The following ABCC1 variants were observed in gnomAD, a reference collection of about 807,000 sequenced individuals.
ABCC1 encodes the protein multidrug resistance-associated protein 1.
A neutral mutation model predicts 172.9 loss-of-function variants in ABCC1; 83 were observed. The observed-to-expected ratio is 0.48, with a 90% CI of 0.40 to 0.58. The LOEUF is 0.58. Ranked by LOEUF, ABCC1 falls within the 20% of genes least tolerant of loss-of-function variation. ABCC1 has a pLI of 0.00. For synonymous variants in ABCC1, 937 were observed against 825.2 expected (o/e 1.14, Z -2.32); for missense variants, 1,817 against 2,002.7 (o/e 0.91, Z 1.77).
At chr16:15,976,011 A>T (rs761005959) in intron 1 of ABCC1, among the ~76,000 whole-genome samples, 2 of 152,066 alleles carry the variant, frequency 1.3e-5, no homozygotes, top group Non-Finnish European at 2.9e-5. Context: ...TACGCCTGTT[A>T]TCCCAGCACT....
intron 5 of ABCC1, among the ~76,000 whole-genome samples, chr16:16,023,042 GC>G: frequency 6.6e-6 from 1 of 152,248 alleles, no homozygotes; most frequent in African/African-American, 2.4e-5. Flanking sequence ...CTCCCAGGTA[GC>G]TTGGGCCCTA....
At chr16:16,120,367 C>T (rs1285227262) in intron 23 of ABCC1, among the ~76,000 whole-genome samples, 1 of 152,234 alleles carries the variant, frequency 6.6e-6, no homozygotes, top group Non-Finnish European at 1.5e-5. Flanking sequence ...GCAGTGTCCT[C>T]ACATGGCTGG....
intron 1 of ABCC1, among the ~76,000 whole-genome samples, chr16:15,999,312 T>A (rs1441931834): frequency 1.3e-5 from 2 of 151,888 alleles, no homozygotes; most frequent in Admixed American, 1.3e-4. Context: ...GCCAAAAAAA[T>A]TTTTTTAAAG....
intron 1 of ABCC1, among the ~76,000 whole-genome samples, chr16:15,978,916 G>A (rs550169180): frequency 1.5e-4 from 23 of 152,244 alleles, no homozygotes; most frequent in Non-Finnish European, 2.4e-4. Flanking sequence ...AGCCTAAAAC[G>A]TCAGTAGTGT....
At chr16:16,114,485 C>T (rs1596525590) in intron 22 of ABCC1, among the ~76,000 whole-genome samples, 1 of 152,024 alleles carries the variant, frequency 6.6e-6, no homozygotes, top group East Asian at 1.9e-4. Context: ...GGATTACAGG[C>T]GCCAACCACC....
In ABCC1 at chr16:16,141,138, C is replaced by G. The variant is rs1329653040; in HGVS notation, c.4488-35C>G. ...CAGGGGCACGAGGTGCTCACCCCTC[C>G]CCTTCCCCTCATGTCTGTATCCCCT... On this transcript the variant is annotated intron_variant, in intron 30 of 30. Transcript: ENST00000399410. 3.1e-6 allele frequency: 5 copies of G among 1,593,478 alleles called. No individual in the cohort carries two copies. The South Asian group carries it at 5.5e-5, about 18-fold the overall frequency.
chr16:16,007,871 A>T lies in ABCC1; in HGVS notation c.104A>T (p.Asn35Ile). 1 of 1,613,602 alleles carries T rather than the reference A, an allele frequency of 6.2e-7. No individual in the cohort carries two copies. The highest frequency in any genetic ancestry group is 8.5e-7 in the Non-Finnish European group (1 of 1,179,848). ...CCCGACTTCACCAAGTGCTTTCAGA[A>T]CACGGTCCTCGTGTGGGTGCCTTGT... ...SNPDFTKCFQNTVLVWVPCFY... is the reference protein window; with the variant it reads ...SNPDFTKCFQITVLVWVPCFY... The change falls in exon 2 of 31, where the codon AAC (asparagine) becomes ATC (isoleucine). Residue 35 changes from asparagine (N) to isoleucine (I), a missense_variant. Around this residue, in one of 3 missense-constraint regions of ABCC1, gnomAD observed 398 missense variants for 384.2 expected, o/e 1.04. Transcript: ENST00000399410.
intron 17 of ABCC1, 118 bp from the exon 18 acceptor site, chr16:16,086,706 C>G (rs748138813): frequency 1.9e-6 from 2 of 1,072,716 alleles, no homozygotes; most frequent in East Asian, 2.4e-5. Flanking sequence ...TGGTCTCAAG[C>G]AGTCCTTCCA....
At chr16:16,102,598 A>G in intron 19 of ABCC1, 29 bp from the exon 20 acceptor site, 3 of 1,554,856 alleles carry the variant, frequency 1.9e-6, no homozygotes, top group Non-Finnish European at 2.6e-6. Context: ...ATATAACCCC[A>G]CTTGCCCCCT....
At chr16:15,970,795 G>A (rs1475233628) in intron 1 of ABCC1, among the ~76,000 whole-genome samples, 3 of 152,150 alleles carry the variant, frequency 2.0e-5, no homozygotes, top group African/African-American at 7.2e-5. Context: ...AGGTCTCCCT[G>A]TGTTGTCCAG....
At chr16:16,139,762 A>G (rs181157239) in intron 30 of ABCC1, among the ~76,000 whole-genome samples, 9 of 152,260 alleles carry the variant, frequency 5.9e-5, no homozygotes, top group African/African-American at 1.9e-4. Flanking sequence ...GAATGCTGCC[A>G]TAGTGCCAGG....
At chr16:16,061,772 C>CTTT (rs201926082) in intron 12 of ABCC1, among the ~76,000 whole-genome samples, 27 of 116,224 alleles carry the variant, frequency 2.3e-4, no homozygotes, top group Admixed American at 3.4e-4. Context: ...TTCTTTTTTT[C>CTTT]TTTTTTTTTT....
intron 7 of ABCC1, among the ~76,000 whole-genome samples, chr16:16,039,299 A>G (rs1211056651): frequency 2.6e-5 from 3 of 117,562 alleles, no homozygotes; most frequent in African/African-American, 1.0e-4. Flanking sequence ...ATGGAGTCTC[A>G]TTCTGTTACC....
At chr16:16,053,556 G>A (rs1161849886) in intron 11 of ABCC1, among the ~76,000 whole-genome samples, 3 of 151,958 alleles carry the variant, frequency 2.0e-5, no homozygotes, top group African/African-American at 7.3e-5. Context: ...GGGAGGCCAA[G>A]GTGGGTGGAT....
At chr16:16,028,392 A>G (rs1293828192) in intron 5 of ABCC1, among the ~76,000 whole-genome samples, 1 of 152,152 alleles carries the variant, frequency 6.6e-6, no homozygotes, top group Non-Finnish European at 1.5e-5. Context: ...ATCCTGGCCT[A>G]TAAGCAAGTC....
rs371111082 is a variant in ABCC1, at chr16:16,141,308, A to C, written c.*27A>C. 28 of 1,606,002 alleles carry C rather than the reference A, an allele frequency of 1.7e-5. No individual in the cohort carries two copies. The highest frequency in any genetic ancestry group is 3.3e-4 in the Middle Eastern group (2 of 6,006). On this transcript the variant is annotated 3_prime_UTR_variant, in exon 31 of 31. Transcript: ENST00000399410. ...CCCCAGAGCTGGCATATCTGGTCAGAACTGCAGGGCCTATATGCCAGCGCC... is the reference window on the plus strand; with the variant it reads ...CCCCAGAGCTGGCATATCTGGTCAGCACTGCAGGGCCTATATGCCAGCGCC...
intron 1 of ABCC1, among the ~76,000 whole-genome samples, chr16:15,952,825 T>C (rs1413593261): frequency 3.9e-5 from 5 of 129,818 alleles, no homozygotes; most frequent in Admixed American, 2.4e-4. Context: ...AGGTCAGGAG[T>C]TCGAGACCAG....
At chr16:16,134,559 G>GTATAT in intron 28 of ABCC1, 51 bp downstream of exon 28, 22 of 1,565,912 alleles carry the variant, frequency 1.4e-5, no homozygotes, top group Non-Finnish European at 1.9e-5. Flanking sequence ...CAAGCCCTAT[G>GTATAT]ATTGCACTGA....
intron 1 of ABCC1, among the ~76,000 whole-genome samples, chr16:15,992,806 A>G (rs2151638438): frequency 6.6e-6 from 1 of 152,240 alleles, no homozygotes; most frequent in Middle Eastern, 3.4e-3. Flanking sequence ...GCTCTGTACC[A>G]TGCCTCCAAG....
Sources: gnomAD v4.1 joint callset for allele counts (sites outside exome capture counted in the v4.1 genomes callset) on GRCh38, gnomAD v4.1.1 for gene constraint, gnomAD v4.1.1 regional missense constraint, MANE v1.5 for transcripts, NCBI Gene and HGNC (gene_info 2026-07-23, HGNC 2026-07-21) for gene names.